Variants in IP6K1 observed in about 807,000 individuals in gnomAD.
IP6K1 encodes inositol hexakisphosphate kinase 1.
A neutral mutation model predicts 38.3 loss-of-function variants in IP6K1; 13 were observed. The ratio of observed to expected loss-of-function variants is 0.34; its 90% CI spans 0.22 to 0.54. IP6K1 has a LOEUF of 0.54. Among genes scored for constraint, IP6K1 ranks in the 20% least tolerant of loss-of-function variants. The pLI is 0.92. For missense variants in IP6K1, 397 were observed against 599.8 expected (o/e 0.66, Z 3.53); for synonymous variants, 212 against 229.9 (o/e 0.92, Z 0.70).
At chr3:49,730,036 G>A (rs2080549713) in intron 4 of IP6K1, among the ~76,000 whole-genome samples, 1 of 152,082 alleles carries the variant, frequency 6.6e-6, no homozygotes, top group Non-Finnish European at 1.5e-5. Flanking sequence ...GAGACTACAG[G>A]TGTCTGCCAC....
At chr3:49,781,900 AACAAG>A (rs1430096533) in intron 1 of IP6K1, among the ~76,000 whole-genome samples, 1 of 151,842 alleles carries the variant, frequency 6.6e-6, no homozygotes, top group Non-Finnish European at 1.5e-5. Flanking sequence ...CTGGGCAACA[AACAAG>A]ACATCATGTC....
intron 2 of IP6K1, among the ~76,000 whole-genome samples, chr3:49,745,793 G>A (rs2080715519): frequency 6.6e-6 from 1 of 150,852 alleles, no homozygotes; most frequent in African/African-American, 2.4e-5. Flanking sequence ...GGTGGAGATT[G>A]CAGTGAGCCG....
intron 2 of IP6K1, among the ~76,000 whole-genome samples, chr3:49,739,597 C>T (rs1240119049): frequency 6.6e-6 from 1 of 152,046 alleles, no homozygotes; most frequent in East Asian, 1.9e-4. Flanking sequence ...TCGTGATCCA[C>T]CCGTCTCGGC....
intron 4 of IP6K1, among the ~76,000 whole-genome samples, chr3:49,730,717 T>C (rs2080554660): frequency 6.6e-6 from 1 of 152,104 alleles, no homozygotes; most frequent in Non-Finnish European, 1.5e-5. Context: ...CGACTAATTT[T>C]TTGTATTTTT....
rs931407483 is a variant in IP6K1, at chr3:49,752,405, G to A, written c.-128-4237C>T. 5.3e-5 allele frequency among the ~76,000 whole-genome samples: 8 copies of A among 151,630 alleles called. 1 individual carries two copies. In the South Asian group the frequency reaches 1.3e-3, roughly 24 times the overall value. ...CGGGAGGCTGAGGCAGGAGAATGGC[G>A]TGGAACCTGGGAGGCAGAGCTTGCA... is the stretch of plus-strand genomic sequence containing the variant. On this transcript the variant is annotated intron_variant, in intron 1 of 5. Coordinates refer to ENST00000321599, the MANE Select transcript of IP6K1 (RefSeq NM_153273.4).
chr3:49,778,564 C>G lies in IP6K1; in HGVS notation c.-129+7790G>C, dbSNP rs564944635. Among the ~76,000 whole-genome samples the G allele has an allele frequency of 2.0e-5, 3 of 151,978 alleles. No homozygotes were observed. In the South Asian group the frequency reaches 6.2e-4, roughly 32 times the overall value. ...AGGAAAATCAGTTGAACCTGGGAGGCAGAGGTTGTAGTGAGCCGAGATCGT... is the reference window on the plus strand; with the variant it reads ...AGGAAAATCAGTTGAACCTGGGAGGGAGAGGTTGTAGTGAGCCGAGATCGT... On this transcript the variant is annotated intron_variant, in intron 1 of 5. Coordinates refer to ENST00000321599, the MANE Select transcript of IP6K1 (RefSeq NM_153273.4).
intron 2 of IP6K1, among the ~76,000 whole-genome samples, chr3:49,738,983 C>T (rs755751428): frequency 2.6e-5 from 4 of 152,144 alleles, no homozygotes; most frequent in East Asian, 1.9e-4. Flanking sequence ...TTCTGTTTGC[C>T]GTGCTGTATC....
chr3:49,771,195 A>C (rs1205254775), intron 1 of IP6K1, among the ~76,000 whole-genome samples: 7 of 142,142 alleles, frequency 4.9e-5, no homozygotes, highest in Non-Finnish European at 1.0e-4. Context: ...TAACAAAAAA[A>C]AAAAAAAAAA....
intron 1 of IP6K1, among the ~76,000 whole-genome samples, chr3:49,781,742 A>T (rs2081067621): frequency 6.6e-6 from 1 of 152,134 alleles, no homozygotes; most frequent in Non-Finnish European, 1.5e-5. Flanking sequence ...AGCCTGTAGC[A>T]GTTCCTGATT....
chr3:49,761,626 A>AG (rs1323853522), intron 1 of IP6K1, among the ~76,000 whole-genome samples: 1 of 151,822 alleles, frequency 6.6e-6, no homozygotes, highest in East Asian at 1.9e-4. Flanking sequence ...AAAAAAAAAA[A>AG]AAAAAAATTA....
At chr3:49,738,553 C>G in intron 2 of IP6K1, 131 bp from the exon 3 acceptor site, 1 of 679,638 alleles carries the variant, frequency 1.5e-6, no homozygotes, top group Non-Finnish European at 2.7e-6. Context: ...AGATCAATAT[C>G]AGAACAACAG....
rs559640051 is a variant in IP6K1 at position 49,770,352 on chromosome 3, A to C, written c.-129+16002T>G. Among the ~76,000 whole-genome samples the C allele has an allele frequency of 7.2e-5, 11 of 152,370 alleles. No individual in the cohort carries two copies. The East Asian group carries it at 2.1e-3, about 29-fold the overall frequency. On this transcript the variant is annotated intron_variant, in intron 1 of 5. Coordinates refer to ENST00000321599, the MANE Select transcript of IP6K1 (RefSeq NM_153273.4). ...TGGGGGAAAAAGAAACACCAGCCCC[A>C]ATCTCACACAATAACAAAAATTAAC...
At chr3:49,773,661 C>T (rs1407134432) in intron 1 of IP6K1, among the ~76,000 whole-genome samples, 1 of 152,170 alleles carries the variant, frequency 6.6e-6, no homozygotes, top group Non-Finnish European at 1.5e-5. Context: ...TTTTATAATA[C>T]ATCTTCCCAA....
At chr3:49,734,394 CTTTTTTTTTT>C (rs71735078) in intron 3 of IP6K1, among the ~76,000 whole-genome samples, 24 of 87,288 alleles carry the variant, frequency 2.7e-4, no homozygotes, top group Admixed American at 1.2e-3. Context: ...ACCGTAATTT[CTTTTTTTTTT>C]TTTTTTTTTT....
intron 1 of IP6K1, among the ~76,000 whole-genome samples, chr3:49,761,041 C>T (rs924951648): frequency 5.3e-5 from 8 of 152,178 alleles, no homozygotes; most frequent in Admixed American, 6.5e-5. Flanking sequence ...ACTGGCCGGA[C>T]GTGGTGGCTC....
At chr3:49,758,047 C>T (rs899390160) in intron 1 of IP6K1, among the ~76,000 whole-genome samples, 1 of 152,094 alleles carries the variant, frequency 6.6e-6, no homozygotes, top group East Asian at 1.9e-4. Flanking sequence ...CAGTGGCTTA[C>T]GCCTGCAATC....
chr3:49,766,109 G>C (rs1158766653), intron 1 of IP6K1, among the ~76,000 whole-genome samples: 3 of 151,982 alleles, frequency 2.0e-5, no homozygotes, highest in Non-Finnish European at 4.4e-5. Context: ...CCGGGAGGCG[G>C]AGCTTGCCGT....
At chr3:49,754,035 G>A (rs925753118) in intron 1 of IP6K1, among the ~76,000 whole-genome samples, 3 of 151,882 alleles carry the variant, frequency 2.0e-5, no homozygotes, top group African/African-American at 7.3e-5. Flanking sequence ...TAAAAAGGGG[G>A]AAAAAAATCA....
chr3:49,764,876 T>G (rs1030775276), intron 1 of IP6K1, among the ~76,000 whole-genome samples: 1 of 146,482 alleles, frequency 6.8e-6, no homozygotes, highest in Non-Finnish European at 1.5e-5. Context: ...AACTCTGTCT[T>G]GAAAAAAAAA....
Sources: gnomAD v4.1 joint callset for allele counts (sites outside exome capture counted in the v4.1 genomes callset) on GRCh38, gnomAD v4.1.1 for gene constraint, MANE v1.5 for transcripts, NCBI Gene and HGNC (gene_info 2026-07-23, HGNC 2026-07-21) for gene names.